IL7R: variants seen among roughly 807,000 people sequenced by gnomAD.
The protein encoded by IL7R is interleukin 7 receptor.
Under a neutral mutation model 47.0 loss-of-function variants are expected in IL7R, and 38 were observed. The observed-to-expected ratio is 0.81, with a 90% CI of 0.62 to 1.06. The LOEUF (loss-of-function observed/expected upper bound fraction) is 1.06, where lower values mean the gene tolerates loss of function less well. IL7R is among the 50% of genes least tolerant of loss of function. IL7R has a pLI of 0.00. For synonymous variants in IL7R, 221 were observed against 199.8 expected (o/e 1.11, Z -0.89); for missense variants, 633 against 534.8 (o/e 1.18, Z -1.81).
Position 35,879,121 on chromosome 5 carries a change from T to C in IL7R, c.*2635T>C, listed in dbSNP as rs1760290085. 3 of 232,860 alleles carry C rather than the reference T, an allele frequency of 1.3e-5. No homozygotes were observed. Among genetic ancestry groups the C allele is most frequent in the Non-Finnish European group, 2.5e-5 (3 of 117,884 alleles). 14.4% of individuals were successfully genotyped at this position (232,860 alleles called of 1,614,324 possible). A position where few individuals can be genotyped will look rare whatever the true frequency, so the allele number is the denominator to read the frequency against. The stretch of plus-strand genomic sequence containing the variant: ...CTCCTGATCGGAGACAATGTATTAA[T>C]CAGAAGTGTAAACTGCCAGTTCTAT... On this transcript the variant is annotated 3_prime_UTR_variant, in exon 8 of 8. Coordinates refer to ENST00000303115, the MANE Select transcript of IL7R (RefSeq NM_002185.5).
rs969947476 is a variant in IL7R at position 35,857,961 on chromosome 5, C to T, written c.82+902C>T. Among the ~76,000 whole-genome samples, 27 of 152,100 alleles carry T rather than the reference C, an allele frequency of 1.8e-4. 1 individual carries two copies. Among genetic ancestry groups the T allele is most frequent in the Admixed American group, 1.3e-3 (20 of 15,274 alleles). ...TTATGCATTTTGAGTCATGTAATTA[C>T]GAAGGATGGAAATCCCTAGAATTTT... On this transcript the variant is annotated intron_variant, in intron 1 of 7. Transcript: ENST00000303115.
rs1031599473 is a variant in IL7R, at chr5:35,878,493, A to T, written c.*2007A>T. The T allele has an allele frequency of 1.3e-5, 3 of 232,842 alleles. No individual in the cohort carries two copies. Among genetic ancestry groups the T allele is most frequent in the Non-Finnish European group, 2.5e-5 (3 of 117,860 alleles). 14.4% of individuals were successfully genotyped at this position (232,842 alleles called of 1,614,324 possible). A position where few individuals can be genotyped will look rare whatever the true frequency, so the allele number is the denominator to read the frequency against. ...ATATTGAAAGTGCCCTGTTGGAGAC[A>T]GGGCAAATGCCACAAAAATGATGTA... is the stretch of plus-strand genomic sequence containing the variant. On this transcript the variant is annotated 3_prime_UTR_variant, in exon 8 of 8. Transcript: ENST00000303115.
intron 2 of IL7R, among the ~76,000 whole-genome samples, chr5:35,864,783 G>A (rs552211405): frequency 5.3e-5 from 8 of 151,934 alleles, no homozygotes; most frequent in African/African-American, 1.4e-4. Context: ...TTACTGGTGC[G>A]TTTTAATAAG....
rs1271955128 is a variant in IL7R at position 35,875,963 on chromosome 5, T to C, written c.877-20T>C. 4 of 1,607,658 alleles carry C rather than the reference T, an allele frequency of 2.5e-6. No individual in the cohort carries two copies. The highest frequency in any genetic ancestry group is 3.4e-6 in the Non-Finnish European group (4 of 1,179,848). On this transcript the variant is annotated intron_variant, in intron 7 of 7. Transcript: ENST00000303115. ...TCTCTCTGGTGCCATCTTAATACCCTTTCTCCTTTTTCTGTGCAGAATTTA... is the reference window on the plus strand; with the variant it reads ...TCTCTCTGGTGCCATCTTAATACCCCTTCTCCTTTTTCTGTGCAGAATTTA...
intron 1 of IL7R, among the ~76,000 whole-genome samples, chr5:35,858,063 T>C (rs1759703217): frequency 6.6e-6 from 1 of 152,176 alleles, no homozygotes; most frequent in South Asian, 2.1e-4. Flanking sequence ...ATTATTATTC[T>C]ATGCTAAACT....
At chr5:35,873,048 A>G (rs11567761) in intron 4 of IL7R, among the ~76,000 whole-genome samples, 19,952 of 152,090 alleles carry the variant, frequency 0.13, 1,318 homozygotes, top group East Asian at 0.14. Context: ...AAGATAATAC[A>G]CTGTGTGGTG....
intron 3 of IL7R, among the ~76,000 whole-genome samples, chr5:35,870,610 C>T (rs576322662): frequency 5.3e-5 from 8 of 152,258 alleles, no homozygotes; most frequent in African/African-American, 1.7e-4. Context: ...AAATAAGCCC[C>T]CAAACATATG....
rs896970443 is a variant in IL7R at position 35,876,790 on chromosome 5, G to A, written c.*304G>A. 23 of 432,152 alleles carry A rather than the reference G, an allele frequency of 5.3e-5. No homozygotes were observed. The highest frequency in any genetic ancestry group is 8.8e-5 in the Non-Finnish European group (21 of 238,664). The allele number at this position is 432,152 out of a possible 1,614,324, so 26.8% of individuals were successfully genotyped here. On this transcript the variant is annotated 3_prime_UTR_variant, in exon 8 of 8. Transcript: ENST00000303115. The stretch of plus-strand genomic sequence containing the variant: ...AAAGAGTAAAGGAAATGATTGAGGA[G>A]TGAGGAAGGCAGGAAGAGAGCATGA...
intron 2 of IL7R, among the ~76,000 whole-genome samples, chr5:35,865,180 A>T (rs904057027): frequency 2.0e-5 from 3 of 151,998 alleles, no homozygotes; most frequent in Non-Finnish European, 4.4e-5. Flanking sequence ...TTATCGTTCA[A>T]TTCCCATCTA....
chr5:35,868,371 C>T (rs1185338769), intron 3 of IL7R, among the ~76,000 whole-genome samples: 1 of 152,220 alleles, frequency 6.6e-6, no homozygotes, highest in Non-Finnish European at 1.5e-5. Context: ...AAACCTAGCT[C>T]AGCTTTGTCT....
At position 35,877,321 on chromosome 5, in the gene IL7R, C is replaced by A. The variant is rs1438112549; in HGVS notation, c.*835C>A. ...TATGAGAAAGAAAGAGGGGGAGAAA[C>A]AGTCTTGCGGGTGTGAAGTCCCATG... On this transcript the variant is annotated 3_prime_UTR_variant, in exon 8 of 8. Coordinates refer to ENST00000303115, the MANE Select transcript of IL7R (RefSeq NM_002185.5). 4.3e-6 allele frequency: 1 copy of A among 233,048 alleles called. No individual in the cohort carries two copies. The highest frequency in any genetic ancestry group is 8.5e-6 in the Non-Finnish European group (1 of 118,006). 14.4% of individuals were successfully genotyped at this position (233,048 alleles called of 1,614,324 possible).
rs537962173 is a variant in IL7R, at chr5:35,865,108, C to T, written c.222-2198C>T. On this transcript the variant is annotated intron_variant, in intron 2 of 7. Transcript: ENST00000303115. Reference sequence around the variant, plus strand: ...TATATCTCCTAATGCTATCCCTCCCCCCTCCTTCCACCTATGACTGGCCCT... The same window carrying T: ...TATATCTCCTAATGCTATCCCTCCCTCCTCCTTCCACCTATGACTGGCCCT... 5.6e-4 allele frequency among the ~76,000 whole-genome samples: 85 copies of T among 152,186 alleles called. 1 individual carries two copies. The highest frequency in any genetic ancestry group is 3.4e-3 in the Middle Eastern group (1 of 294).
In IL7R at chr5:35,859,043, G is replaced by C. The variant is rs114472025; in HGVS notation, c.83-1809G>C. Among the ~76,000 whole-genome samples, 1,001 of 152,286 alleles carry C rather than the reference G, an allele frequency of 6.6e-3. 13 individuals carry two copies. The highest frequency in any genetic ancestry group is 0.023 in the African/African-American group (945 of 41,566). On this transcript the variant is annotated intron_variant, in intron 1 of 7. Coordinates refer to ENST00000303115, the MANE Select transcript of IL7R (RefSeq NM_002185.5). ...ATCACATTTTATAAGTCATTGAAGG[G>C]AATTTTTCTTGGTTACAAAGCAACT... is the stretch of plus-strand genomic sequence containing the variant.
intron 2 of IL7R, among the ~76,000 whole-genome samples, chr5:35,861,340 G>A (rs1157168617): frequency 6.6e-6 from 1 of 152,098 alleles, no homozygotes; most frequent in African/African-American, 2.4e-5. Context: ...TCTTCAAGTT[G>A]CATCTGAGAG....
chr5:35,871,048 T>G lies in IL7R; in HGVS notation c.380-8T>G, dbSNP rs1335109122. 6.2e-7 allele frequency: 1 copy of G among 1,611,560 alleles called. No homozygotes were observed. Among genetic ancestry groups the G allele is most frequent in the Non-Finnish European group, 8.5e-7 (1 of 1,177,652 alleles). On this transcript the variant is annotated splice_region_variant and splice_polypyrimidine_tract_variant and intron_variant, in intron 3 of 7. Coordinates refer to ENST00000303115, the MANE Select transcript of IL7R (RefSeq NM_002185.5). ...TTTAGACAGAATTTATTTCTTTTTC[T>G]TTTCCAGTTAAACCTGAGGCTCCTT...
Position 35,873,624 on chromosome 5 carries a change from A to G in IL7R, c.682A>G (p.Thr228Ala). Residue 228 changes from threonine (T) to alanine (A), a missense_variant, in exon 5 of 8, where the codon ACT (threonine) becomes GCT (alanine). Coordinates refer to ENST00000303115, the MANE Select transcript of IL7R (RefSeq NM_002185.5). ...SEWSPSYYFR[T>A]PEINNSSGEM... is the part of the protein sequence containing the mutation. ...ATGGAGTCCAAGTTATTACTTCAGA[A>G]CTCCAGAGATCAATAATAGCTCAGG... 1 of 1,614,008 alleles carries G rather than the reference A, an allele frequency of 6.2e-7. No homozygotes were observed.
intron 1 of IL7R, 41 bp from the exon 2 acceptor site, chr5:35,860,811 T>A (rs1258225215): frequency 6.2e-7 from 1 of 1,605,550 alleles, no homozygotes; most frequent in Non-Finnish European, 8.5e-7. Flanking sequence ...AAGGATGCAT[T>A]TATTTGTTTC....
rs764696934 is a variant in IL7R at position 35,875,442 on chromosome 5, T to G, written c.801-70T>G. Reference sequence around the variant, plus strand: ...TGTTCTTCTGATTCCAAGCTCAGAATAAGTGGGAAGACTCAGTGTGCCTGT... The same window carrying G: ...TGTTCTTCTGATTCCAAGCTCAGAAGAAGTGGGAAGACTCAGTGTGCCTGT... On this transcript the variant is annotated intron_variant, in intron 6 of 7. Transcript: ENST00000303115. 1.2e-5 allele frequency: 13 copies of G among 1,046,346 alleles called. No homozygotes were observed. The Admixed American group carries it at 1.4e-4, about 11-fold the overall frequency. 64.8% of individuals were successfully genotyped at this position (1,046,346 alleles called of 1,614,324 possible).
At chr5:35,859,602 AGGG>A (rs1301099595) in intron 1 of IL7R, among the ~76,000 whole-genome samples, 11 of 152,168 alleles carry the variant, frequency 7.2e-5, no homozygotes, top group Non-Finnish European at 1.5e-5. Flanking sequence ...TGGTCTAGCT[AGGG>A]CTGTTTGAGA....
Sources: allele counts gnomAD v4.1 joint callset (sites outside exome capture counted in the v4.1 genomes callset), GRCh38; gene constraint gnomAD v4.1.1; transcripts MANE v1.5; gene names NCBI Gene and HGNC (gene_info 2026-07-23, HGNC 2026-07-21).